RNF169: variants seen among roughly 807,000 people sequenced by gnomAD.
The protein encoded by RNF169 is E3 ubiquitin-protein ligase RNF169.
Under a neutral mutation model 53.9 loss-of-function variants are expected in RNF169, and 24 were observed. The observed-to-expected ratio is 0.45, with a 90% CI of 0.32 to 0.63. RNF169 has a LOEUF of 0.63. Ranked by LOEUF, RNF169 falls within the 20% of genes least tolerant of loss-of-function variation. The pLI is 0.04. For missense variants in RNF169, 883 were observed against 906.2 expected (o/e 0.97, Z 0.33); for synonymous variants, 396 against 363.5 (o/e 1.09, Z -1.02).
At chr11:74,834,163 T>C (rs953983719) in intron 4 of RNF169, among the ~76,000 whole-genome samples, 4 of 152,152 alleles carry the variant, frequency 2.6e-5, no homozygotes, top group African/African-American at 9.7e-5. Flanking sequence ...ATCACTAGGA[T>C]TTAGGCCTTT....
Position 74,749,358 on chromosome 11 carries a change from C to A in RNF169, c.478C>A (p.Pro160Thr). Residue 160 changes from proline to threonine, a missense_variant, in exon 1 of 6, where the codon CCG becomes ACG. Pro to Thr is a conservative substitution (Grantham distance 38). Coordinates refer to ENST00000299563, the MANE Select transcript of RNF169 (RefSeq NM_001098638.2). ...CGCGGGGCCCAGGCCAGAGCAGGAG[C>A]CGCGTGCCGCGCCTGCGGAGCCAGG... ...AAAGPRPEQE[P>T]RAAPAEPDFI... 1 of 1,234,778 alleles carries A rather than the reference C, an allele frequency of 8.1e-7. No individual in the cohort carries two copies. Among genetic ancestry groups the A allele is most frequent in the Non-Finnish European group, 1.0e-6 (1 of 986,802 alleles). 76.5% of individuals were successfully genotyped at this position (1,234,778 alleles called of 1,614,324 possible).
chr11:74,761,893 G>C (rs867170508), intron 1 of RNF169, among the ~76,000 whole-genome samples: 1 of 148,840 alleles, frequency 6.7e-6, no homozygotes, highest in African/African-American at 2.5e-5. Context: ...ATATCCTGCA[G>C]AGTGTTTTCC....
intron 5 of RNF169, 105 bp downstream of exon 5, chr11:74,834,880 GC>G: frequency 1.5e-6 from 1 of 682,154 alleles, no homozygotes; most frequent in African/African-American, 1.8e-5. Context: ...AGCAGAATGA[GC>G]CCAGGCATAC....
chr11:74,802,933 G>C lies in RNF169; in HGVS notation c.577-7251G>C, dbSNP rs11822616. Among the ~76,000 whole-genome samples the C allele has an allele frequency of 8.2e-3, 1,241 of 150,998 alleles. 18 individuals are homozygous for C. Among genetic ancestry groups the C allele is most frequent in the African/African-American group, 0.029 (1,183 of 41,264 alleles). On this transcript the variant is annotated intron_variant, in intron 2 of 5. Coordinates refer to ENST00000299563, the MANE Select transcript of RNF169 (RefSeq NM_001098638.2). ...GAACACAAGTAATTTTTTTTGGGGG[G>C]GGGTGGGGACGGAGTCTTGCTCTGT...
chr11:74,819,983 A>G (rs2135130574), intron 4 of RNF169, among the ~76,000 whole-genome samples: 1 of 152,180 alleles, frequency 6.6e-6, no homozygotes, highest in East Asian at 1.9e-4. Flanking sequence ...CGTTCTATAC[A>G]GTGTATGTAT....
Position 74,802,878 on chromosome 11 carries a change from G to A in RNF169, c.577-7306G>A, listed in dbSNP as rs907177626. ...TGATTAAAAAAAGCTCACAGTATCT[G>A]GGGGAAAAGGGATTTGAAAACAAGT... On this transcript the variant is annotated intron_variant, in intron 2 of 5. Transcript: ENST00000299563. Among the ~76,000 whole-genome samples the A allele has an allele frequency of 2.6e-5, 4 of 151,606 alleles. No homozygotes were observed. The South Asian group carries it at 6.3e-4, about 24-fold the overall frequency.
In RNF169 at chr11:74,810,237, G is replaced by A. The variant is rs1236178917; in HGVS notation, c.630G>A (p.Lys210=). 1 of 1,613,212 alleles carries A rather than the reference G, an allele frequency of 6.2e-7. No homozygotes were observed. The highest frequency in any genetic ancestry group is 2.2e-5 in the East Asian group (1 of 44,878). Reference sequence around the variant, plus strand: ...AACCCTCTGAAGATCAAATCCACAAGCTGTTACCAGAGGATACAGAAACAG... The same window carrying A: ...AACCCTCTGAAGATCAAATCCACAAACTGTTACCAGAGGATACAGAAACAG... ...EEKPSEDQIH[K]LLPEDTETGK... is the part of the protein sequence containing the mutation. The change falls in exon 3 of 6, where the codon AAG becomes AAA. Residue 210 remains lysine, a synonymous_variant. Transcript: ENST00000299563.
rs2036288907 is a variant in RNF169 at position 74,838,357 on chromosome 11, A to G, written c.*1627A>G. 6.6e-6 allele frequency: 1 copy of G among 152,182 alleles called. No individual in the cohort carries two copies. The highest frequency in any genetic ancestry group is 1.5e-5 in the Non-Finnish European group (1 of 68,042). The allele number at this position is 152,182 out of a possible 1,614,324, so 9.4% of individuals were successfully genotyped here. On this transcript the variant is annotated 3_prime_UTR_variant, in exon 6 of 6. Coordinates refer to ENST00000299563, the MANE Select transcript of RNF169 (RefSeq NM_001098638.2). ...GGTTATTTGTGGTTGAGAGAGAGAG[A>G]GAATGTAATGTCTGAGACTAGCCAG...
chr11:74,810,717 T>TCC (rs2035863404), intron 3 of RNF169, among the ~76,000 whole-genome samples: 1 of 152,236 alleles, frequency 6.6e-6, no homozygotes, highest in Non-Finnish European at 1.5e-5. Context: ...TTCCTTTATT[T>TCC]GTTGTAATAC....
intron 4 of RNF169, among the ~76,000 whole-genome samples, chr11:74,821,031 T>G (rs1235877762): frequency 1.3e-5 from 2 of 152,232 alleles, no homozygotes; most frequent in African/African-American, 4.8e-5. Flanking sequence ...ACCTCTCAAC[T>G]CATTAGAGTA....
At chr11:74,831,313 C>T (rs1216600379) in intron 4 of RNF169, 1 of 152,154 alleles carries the variant, frequency 6.6e-6, no homozygotes, top group Non-Finnish European at 1.5e-5. Context: ...GATACAAGCT[C>T]ACCACACAAA....
At chr11:74,767,013 T>C (rs1406437541) in intron 1 of RNF169, among the ~76,000 whole-genome samples, 1 of 152,202 alleles carries the variant, frequency 6.6e-6, no homozygotes, top group Non-Finnish European at 1.5e-5. Context: ...TCTTTTTTTC[T>C]ATTTTTTGTG....
intron 1 of RNF169, among the ~76,000 whole-genome samples, chr11:74,773,139 G>A (rs998953601): frequency 8.5e-5 from 13 of 152,258 alleles, no homozygotes; most frequent in African/African-American, 3.1e-4. Flanking sequence ...CTGAAATGCC[G>A]AGACCTGGGG....
intron 1 of RNF169, among the ~76,000 whole-genome samples, chr11:74,781,329 C>T (rs1337071884): frequency 1.3e-5 from 2 of 152,212 alleles, no homozygotes; most frequent in Admixed American, 1.3e-4. Flanking sequence ...AGGAATATAA[C>T]ATCACCCAGG....
chr11:74,826,614 T>C (rs1392689036), intron 4 of RNF169, among the ~76,000 whole-genome samples: 2 of 152,218 alleles, frequency 1.3e-5, no homozygotes, highest in Non-Finnish European at 2.9e-5. Context: ...CCCTGCTGCC[T>C]ATGAGCCTGT....
intron 4 of RNF169, among the ~76,000 whole-genome samples, chr11:74,821,959 G>A (rs190377975): frequency 1.3e-5 from 2 of 152,256 alleles, no homozygotes; most frequent in East Asian, 1.9e-4. Context: ...ACTTCTGGGT[G>A]GATAGCAGCT....
At chr11:74,770,471 A>G (rs1211568243) in intron 1 of RNF169, among the ~76,000 whole-genome samples, 1 of 152,240 alleles carries the variant, frequency 6.6e-6, no homozygotes, top group Non-Finnish European at 1.5e-5. Context: ...TTAGCTGTAG[A>G]TATGAAAGAT....
chr11:74,794,356 A>T (rs2035618349), intron 2 of RNF169, among the ~76,000 whole-genome samples: 1 of 152,206 alleles, frequency 6.6e-6, no homozygotes, highest in Admixed American at 6.5e-5. Flanking sequence ...TGGATGATGG[A>T]TCTAGGTTAA....
intron 2 of RNF169, among the ~76,000 whole-genome samples, chr11:74,807,136 G>T (rs1384325747): frequency 6.6e-6 from 1 of 152,048 alleles, no homozygotes. Flanking sequence ...CTATCTCCTT[G>T]TTTAGGGTCC....
Sources: allele counts gnomAD v4.1 joint callset (sites outside exome capture counted in the v4.1 genomes callset), GRCh38; gene constraint gnomAD v4.1.1; transcripts MANE v1.5; gene names NCBI Gene and HGNC (gene_info 2026-07-23, HGNC 2026-07-21).